Variants in TAF3 observed in about 807,000 individuals in gnomAD.
The protein encoded by TAF3 is TATA-box binding protein associated factor 3.
A neutral mutation model predicts 80.6 loss-of-function variants in TAF3; 7 were observed. That is an observed-to-expected ratio of 0.09 (90% CI 0.05 to 0.16). TAF3 has a LOEUF of 0.16. TAF3 is among the 10% of genes least tolerant of loss of function. TAF3 has a pLI of 1.00. For synonymous variants in TAF3, 444 were observed against 446.1 expected (o/e 1.00, Z 0.06); for missense variants, 921 against 1,140.2 (o/e 0.81, Z 2.77).
intron 4 of TAF3, among the ~76,000 whole-genome samples, chr10:7,987,445 T>C (rs895060745): frequency 1.3e-5 from 2 of 152,238 alleles, no homozygotes; most frequent in African/African-American, 4.8e-5. Flanking sequence ...TACTGTTGTA[T>C]CATCATTTAT....
chr10:7,939,131 T>A (rs570797701), intron 2 of TAF3, among the ~76,000 whole-genome samples: 1 of 152,296 alleles, frequency 6.6e-6, no homozygotes, highest in South Asian at 2.1e-4. Context: ...GTAAAAGATA[T>A]AAAAGTCTGT....
At chr10:7,894,192 T>G (rs1837484211) in intron 2 of TAF3, among the ~76,000 whole-genome samples, 1 of 152,192 alleles carries the variant, frequency 6.6e-6, no homozygotes, top group Non-Finnish European at 1.5e-5. Context: ...TGTATTTGAC[T>G]TAGGAATGTG....
intron 4 of TAF3, among the ~76,000 whole-genome samples, chr10:8,006,178 ATAC>A (rs1831989951): frequency 8.9e-6 from 1 of 111,760 alleles, no homozygotes; most frequent in Non-Finnish European, 1.8e-5. Context: ...GAAAAAAAAA[ATAC>A]ACACACACAC....
intron 2 of TAF3, among the ~76,000 whole-genome samples, chr10:7,928,440 G>A (rs1020930415): frequency 6.6e-6 from 1 of 152,104 alleles, no homozygotes; most frequent in African/African-American, 2.4e-5. Context: ...GTCAAAAAAT[G>A]CCATTTTAAT....
At chr10:7,845,968 T>G (rs1836966509) in intron 2 of TAF3, among the ~76,000 whole-genome samples, 1 of 150,582 alleles carries the variant, frequency 6.6e-6, no homozygotes, top group Non-Finnish European at 1.5e-5. Flanking sequence ...TGTTTTTTTT[T>G]TTTTTTTTTG....
intron 2 of TAF3, among the ~76,000 whole-genome samples, chr10:7,926,052 G>T (rs1046092017): frequency 5.9e-5 from 9 of 152,190 alleles, no homozygotes; most frequent in Non-Finnish European, 1.2e-4. Context: ...TTATAATTAT[G>T]TACAAAGTTT....
intron 5 of TAF3, among the ~76,000 whole-genome samples, chr10:8,012,909 T>C (rs748414559): frequency 4.6e-5 from 7 of 152,248 alleles, no homozygotes; most frequent in Non-Finnish European, 8.8e-5. Flanking sequence ...GTAAACACTT[T>C]GGAAGTTACC....
At chr10:7,991,416 A>T (rs1439793979) in intron 4 of TAF3, among the ~76,000 whole-genome samples, 1 of 152,136 alleles carries the variant, frequency 6.6e-6, no homozygotes, top group Non-Finnish European at 1.5e-5. Context: ...ACATTATTTT[A>T]TTTCATCTTA....
At chr10:7,948,459 G>A (rs1374034140) in intron 2 of TAF3, among the ~76,000 whole-genome samples, 1 of 152,120 alleles carries the variant, frequency 6.6e-6, no homozygotes. Flanking sequence ...ACTCATAGAT[G>A]GATGAACTGT....
chr10:7,841,339 A>C (rs1012887059), intron 2 of TAF3, among the ~76,000 whole-genome samples: 9 of 152,218 alleles, frequency 5.9e-5, no homozygotes, highest in Non-Finnish European at 1.3e-4. Context: ...AGAGAGGTAA[A>C]GAAATAGAGG....
At chr10:7,826,325 C>T (rs895011650) in intron 2 of TAF3, among the ~76,000 whole-genome samples, 1 of 152,030 alleles carries the variant, frequency 6.6e-6, no homozygotes, top group Non-Finnish European at 1.5e-5. Flanking sequence ...GCAAATATTC[C>T]ATAATAAAAT....
chr10:8,010,442 TAA>T (rs1308879866), intron 5 of TAF3, among the ~76,000 whole-genome samples: 3 of 152,210 alleles, frequency 2.0e-5, no homozygotes, highest in Admixed American at 6.5e-5. Flanking sequence ...GTTATTCACT[TAA>T]GAGTATAATT....
At chr10:7,910,652 A>T (rs1425491543) in intron 2 of TAF3, among the ~76,000 whole-genome samples, 1 of 152,192 alleles carries the variant, frequency 6.6e-6, no homozygotes. Context: ...AAGTGCTGGG[A>T]TTACAGGTGT....
intron 4 of TAF3, among the ~76,000 whole-genome samples, chr10:7,998,412 C>T (rs1831911288): frequency 6.6e-6 from 1 of 151,822 alleles, no homozygotes; most frequent in Non-Finnish European, 1.5e-5. Flanking sequence ...AACATATGCA[C>T]AAGCAGACAT....
chr10:7,859,656 C>T (rs1229196339), intron 2 of TAF3, among the ~76,000 whole-genome samples: 1 of 152,160 alleles, frequency 6.6e-6, no homozygotes, highest in African/African-American at 2.4e-5. Flanking sequence ...GTTCATCTGC[C>T]CATTGTGTTG....
chr10:7,863,608 T>TAAA lies in TAF3; in HGVS notation c.409+39065_409+39067dup, dbSNP rs1230925353. 2.1e-3 allele frequency among the ~76,000 whole-genome samples: 43 copies of TAAA among 20,450 alleles called. 3 individuals carry two copies. The highest frequency in any genetic ancestry group is 0.083 in the Middle Eastern group (2 of 24). 13.4% of individuals were successfully genotyped at this position (20,450 alleles called of 152,430 possible). A position where few individuals can be genotyped will look rare whatever the true frequency, so the allele number is the denominator to read the frequency against. ...CTGATGACCAGAGCAAAACTCTGTC[T>TAAA]AAAAAAAAAAAAAAAAAAATATATA... On this transcript the variant is annotated intron_variant, in intron 2 of 6. Coordinates refer to ENST00000344293, the MANE Select transcript of TAF3 (RefSeq NM_031923.4).
At chr10:7,863,120 G>A (rs550644183) in intron 2 of TAF3, among the ~76,000 whole-genome samples, 1 of 152,228 alleles carries the variant, frequency 6.6e-6, no homozygotes, top group African/African-American at 2.4e-5. Context: ...AAACTGTGGT[G>A]GACTAACTTC....
intron 2 of TAF3, among the ~76,000 whole-genome samples, chr10:7,886,606 T>C (rs1837411102): frequency 6.6e-6 from 1 of 152,214 alleles, no homozygotes; most frequent in South Asian, 2.1e-4. Context: ...GGTAATAATA[T>C]CTCATGGGGT....
At chr10:7,933,421 A>G (rs1837887807) in intron 2 of TAF3, among the ~76,000 whole-genome samples, 1 of 152,220 alleles carries the variant, frequency 6.6e-6, no homozygotes, top group Non-Finnish European at 1.5e-5. Flanking sequence ...AGGCTGCACG[A>G]CGAGCTCTGA....
Sources: allele counts gnomAD v4.1 joint callset (sites outside exome capture counted in the v4.1 genomes callset), GRCh38; gene constraint gnomAD v4.1.1; transcripts MANE v1.5; gene names NCBI Gene and HGNC (gene_info 2026-07-23, HGNC 2026-07-21).